ICA1: variants seen among roughly 807,000 people sequenced by gnomAD.
The protein encoded by ICA1 is 69 kDa islet cell autoantigen.
In ICA1, 40 loss-of-function variants were observed where a neutral mutation model predicts 71.0. That is an observed-to-expected ratio of 0.56 (90% confidence interval 0.44 to 0.73). The LOEUF is 0.73. Ranked by LOEUF, ICA1 falls within the 30% of genes least tolerant of loss-of-function variation. ICA1 has a pLI of 0.00. For synonymous variants in ICA1, 207 were observed against 209.5 expected (o/e 0.99, Z 0.10); for missense variants, 578 against 576.5 (o/e 1.00, Z -0.03).
rs942573276 is a variant in ICA1, at chr7:8,158,685, C to T, written c.580-33G>A. 8 of 1,611,098 alleles carry T rather than the reference C, an allele frequency of 5.0e-6. No homozygotes were observed. The African/African-American group carries it at 5.4e-5, about 11-fold the overall frequency. Reference sequence around the variant, plus strand: ...AATAAAGAGGAATTTCTGAATCACCCTAACCCTTAAGTAGGTAAAATTTGC... The same window carrying T: ...AATAAAGAGGAATTTCTGAATCACCTTAACCCTTAAGTAGGTAAAATTTGC... On this transcript the variant is annotated intron_variant, in intron 6 of 13. Coordinates refer to ENST00000402384, the MANE Select transcript of ICA1 (RefSeq NM_001136020.3).
intron 6 of ICA1, among the ~76,000 whole-genome samples, chr7:8,186,324 T>C (rs1243000601): frequency 6.6e-6 from 1 of 152,178 alleles, no homozygotes; most frequent in Non-Finnish European, 1.5e-5. Flanking sequence ...ATGTGGACCA[T>C]GCCAGACACA....
At chr7:8,195,398 C>T (rs1469720084) in intron 6 of ICA1, among the ~76,000 whole-genome samples, 1 of 151,692 alleles carries the variant, frequency 6.6e-6, no homozygotes, top group Non-Finnish European at 1.5e-5. Flanking sequence ...AAAAATTAGC[C>T]GGGTGTGGTG....
At chr7:8,246,384 G>T (rs1414369885) in intron 1 of ICA1, among the ~76,000 whole-genome samples, 4 of 152,192 alleles carry the variant, frequency 2.6e-5, no homozygotes, top group Admixed American at 1.3e-4. Context: ...ATAACAACCT[G>T]GGGAGTGTGG....
intron 3 of ICA1, among the ~76,000 whole-genome samples, chr7:8,231,036 C>A (rs28368830): frequency 6.6e-6 from 1 of 151,750 alleles, no homozygotes; most frequent in Non-Finnish European, 1.5e-5. Context: ...ATGAGTACTA[C>A]GAATAAAATA....
At chr7:8,174,575 C>T (rs1779890060) in intron 6 of ICA1, among the ~76,000 whole-genome samples, 1 of 151,692 alleles carries the variant, frequency 6.6e-6, no homozygotes. Flanking sequence ...AGGTGGGTCG[C>T]TTGAGCTCAG....
At chr7:8,185,828 T>A (rs1177778416) in intron 6 of ICA1, among the ~76,000 whole-genome samples, 1 of 152,194 alleles carries the variant, frequency 6.6e-6, no homozygotes, top group African/African-American at 2.4e-5. Context: ...CTAAAGTGTA[T>A]ATTGATTATA....
At chr7:8,215,787 G>A (rs894838933) in intron 6 of ICA1, among the ~76,000 whole-genome samples, 4 of 152,160 alleles carry the variant, frequency 2.6e-5, no homozygotes, top group Admixed American at 6.5e-5. Flanking sequence ...CCTTTAAGAC[G>A]TGAAGGTGGC....
At chr7:8,245,478 C>G (rs1317606836) in intron 1 of ICA1, among the ~76,000 whole-genome samples, 2 of 151,878 alleles carry the variant, frequency 1.3e-5, no homozygotes, top group East Asian at 3.9e-4. Context: ...TTGATGGGTA[C>G]AGTGGGCCAG....
In ICA1 at chr7:8,123,554, G is replaced by A. The variant is rs184444504; in HGVS notation, c.1330+4319C>T. On this transcript the variant is annotated intron_variant, in intron 13 of 13. Transcript: ENST00000402384. This position sits in a 1 kb window ranked among gnomAD's most constrained non-coding sequence, Gnocchi z 4.1. Reference sequence around the variant, plus strand: ...GGAGTGTGCCAGAGCGAATGTAGCTGCTGGCACACAGGAACAAGATTTCCT... The same window carrying A: ...GGAGTGTGCCAGAGCGAATGTAGCTACTGGCACACAGGAACAAGATTTCCT... Among the ~76,000 whole-genome samples the A allele has an allele frequency of 2.2e-3, 342 of 152,296 alleles. 1 individual carries two copies. Among genetic ancestry groups the A allele is most frequent in the Middle Eastern group, 6.8e-3 (2 of 294 alleles).
At chr7:8,128,377 C>A (rs1359812386) in intron 12 of ICA1, among the ~76,000 whole-genome samples, 1 of 152,216 alleles carries the variant, frequency 6.6e-6, no homozygotes, top group Non-Finnish European at 1.5e-5. Context: ...TTCTGGGCAT[C>A]AGACTCTAGG....
chr7:8,139,508 A>C (rs1311941230), intron 10 of ICA1, among the ~76,000 whole-genome samples: 2 of 152,236 alleles, frequency 1.3e-5, no homozygotes, highest in East Asian at 1.9e-4. Context: ...GCATTTGCCA[A>C]AGGCTTGAGG....
chr7:8,205,368 A>T (rs1332648886), intron 6 of ICA1, among the ~76,000 whole-genome samples: 1 of 152,166 alleles, frequency 6.6e-6, no homozygotes, highest in Non-Finnish European at 1.5e-5. Context: ...ATTCCAGTGA[A>T]ACCTGAGTAT....
chr7:8,250,371 G>A (rs1357794601), intron 1 of ICA1, among the ~76,000 whole-genome samples: 1 of 152,174 alleles, frequency 6.6e-6, no homozygotes, highest in African/African-American at 2.4e-5. Context: ...ATCAAATCCT[G>A]TTCTCAAGTG....
At chr7:8,175,756 G>C (rs1466673631) in intron 6 of ICA1, among the ~76,000 whole-genome samples, 2 of 152,118 alleles carry the variant, frequency 1.3e-5, no homozygotes, top group African/African-American at 4.8e-5. Context: ...GAAAAACAGA[G>C]CACACCAATG....
rs376587535 is a variant in ICA1, at chr7:8,210,775, C to T, written c.579+7530G>A. ...TGTCTCCCAGGCTGGAGTACAGTGG[C>T]GTGATCATGGCTTACTGCAATCTCT... is the stretch of plus-strand genomic sequence containing the variant. On this transcript the variant is annotated intron_variant, in intron 6 of 13. Coordinates refer to ENST00000402384, the MANE Select transcript of ICA1 (RefSeq NM_001136020.3). Among the ~76,000 whole-genome samples the T allele has an allele frequency of 1.4e-4, 21 of 152,178 alleles. No individual in the cohort carries two copies. In the South Asian group the frequency reaches 3.1e-3, roughly 23 times the overall value.
intron 12 of ICA1, among the ~76,000 whole-genome samples, chr7:8,128,592 G>T (rs1790232238): frequency 1.3e-5 from 2 of 152,164 alleles, no homozygotes; most frequent in South Asian, 4.1e-4. Flanking sequence ...CCAGGATGGG[G>T]AGAGAACTTT....
At chr7:8,239,583 C>T (rs534443875) in intron 1 of ICA1, among the ~76,000 whole-genome samples, 1 of 152,336 alleles carries the variant, frequency 6.6e-6, no homozygotes, top group African/African-American at 2.4e-5. Context: ...TGAGCCGAAA[C>T]AGGGCAGGGC....
chr7:8,208,471 G>A (rs1186147164), intron 6 of ICA1, among the ~76,000 whole-genome samples: 1 of 152,186 alleles, frequency 6.6e-6, no homozygotes, highest in Non-Finnish European at 1.5e-5. Context: ...AAACGAGTGT[G>A]CTGGGCTAAC....
chr7:8,157,701 T>TTTTC (rs1802174879), intron 7 of ICA1: 1 of 151,602 alleles, frequency 6.6e-6, no homozygotes, highest in Non-Finnish European at 1.5e-5. Context: ...CTTAATTTTT[T>TTTTC]TTTTTTTTTT....
Sources: gnomAD v4.1 joint callset for allele counts (sites outside exome capture counted in the v4.1 genomes callset) on GRCh38, gnomAD v4.1.1 for gene constraint, Gnocchi (gnomAD v3.1) non-coding constraint, MANE v1.5 for transcripts, NCBI Gene and HGNC (gene_info 2026-07-23, HGNC 2026-07-21) for gene names.